Variants in NBEAL1 observed in about 807,000 individuals in gnomAD.
The protein encoded by NBEAL1 is neurobeachin-like protein 1.
In NBEAL1, 273 loss-of-function variants were observed where a neutral mutation model predicts 351.3. The ratio of observed to expected loss-of-function variants is 0.78; its 90% CI spans 0.70 to 0.86. NBEAL1 has a LOEUF of 0.86. Among genes scored for constraint, NBEAL1 ranks in the 40% least tolerant of loss-of-function variants. The pLI is 0.00. For missense variants in NBEAL1, 2,961 were observed against 3,201.3 expected, an observed-to-expected ratio of 0.92 and a Z score of 1.81; for synonymous variants, 1,050 against 1,086.4, an observed-to-expected ratio of 0.97 and a Z score of 0.66.
At chr2:203,199,809 C>A (rs1160670570) in intron 49 of NBEAL1, among the ~76,000 whole-genome samples, 1 of 151,848 alleles carries the variant, frequency 6.6e-6, no homozygotes, top group Non-Finnish European at 1.5e-5. Flanking sequence ...TCTCTTCTTC[C>A]CTCCTTCCTC....
At chr2:203,015,297 T>C (rs1234476845) in intron 1 of NBEAL1, among the ~76,000 whole-genome samples, 2 of 152,118 alleles carry the variant, frequency 1.3e-5, no homozygotes, top group Non-Finnish European at 2.9e-5. Context: ...CTTTGGGAAG[T>C]TCCTCGCCGG....
In NBEAL1 at chr2:203,126,104, C is replaced by T. The variant is rs1350288199; in HGVS notation, c.2985+11C>T. 1.3e-6 allele frequency: 2 copies of T among 1,534,550 alleles called. No homozygotes were observed. The highest frequency in any genetic ancestry group is 2.1e-5 in the Admixed American group (1 of 47,672). On this transcript the variant is annotated intron_variant, in intron 21 of 55. Transcript: ENST00000683969. ...GCTTTACTTCAGAAGGTGAGCCAGTCTAACATTGTGTTGATGTAGCTAATA... is the reference window on the plus strand; with the variant it reads ...GCTTTACTTCAGAAGGTGAGCCAGTTTAACATTGTGTTGATGTAGCTAATA...
chr2:203,205,795 G>T lies in NBEAL1; in HGVS notation c.7507-2842G>T, dbSNP rs551049019. On this transcript the variant is annotated intron_variant, in intron 51 of 55. Coordinates refer to ENST00000683969, the MANE Select transcript of NBEAL1 (RefSeq NM_001378026.1). ...GAAGGGCTCCTCTTTCTCTTGACTT[G>T]GAATTGCTTCCATAATATAGGAATT... Among the ~76,000 whole-genome samples the T allele has an allele frequency of 3.9e-5, 6 of 152,250 alleles. No individual in the cohort carries two copies. In the East Asian group the frequency reaches 1.2e-3, roughly 29 times the overall value.
At chr2:203,179,561 CAT>C (rs2064636001) in intron 42 of NBEAL1, among the ~76,000 whole-genome samples, 1 of 152,020 alleles carries the variant, frequency 6.6e-6, no homozygotes, top group African/African-American at 2.4e-5. Flanking sequence ...GCAAGTAAAA[CAT>C]AAAAGCTTTA....
chr2:203,168,677 C>T (rs543062932), intron 38 of NBEAL1, among the ~76,000 whole-genome samples: 6 of 152,068 alleles, frequency 3.9e-5, no homozygotes, highest in South Asian at 2.1e-4. Context: ...GGCTGGATCA[C>T]GAGGTCAAGA....
chr2:203,212,060 T>C (rs2065803347), intron 54 of NBEAL1, among the ~76,000 whole-genome samples: 1 of 151,910 alleles, frequency 6.6e-6, no homozygotes, highest in Non-Finnish European at 1.5e-5. Context: ...CTAATTTTTG[T>C]ATTTTTAGTA....
At chr2:203,160,024 A>G (rs966476292) in intron 36 of NBEAL1, among the ~76,000 whole-genome samples, 1 of 149,832 alleles carries the variant, frequency 6.7e-6, no homozygotes, top group Non-Finnish European at 1.5e-5. Flanking sequence ...CTTGTTTGCC[A>G]TTAATATATA....
Position 203,219,183 on chromosome 2 carries a change from G to T in NBEAL1, c.*1829G>T, listed in dbSNP as rs1442020792. The T allele has an allele frequency of 6.6e-6, 1 of 151,930 alleles. No homozygotes were observed. The highest frequency in any genetic ancestry group is 1.5e-5 in the Non-Finnish European group (1 of 67,996). The allele number at this position is 151,930 out of a possible 1,614,324, so 9.4% of individuals were successfully genotyped here. On this transcript the variant is annotated 3_prime_UTR_variant, in exon 56 of 56. Coordinates refer to ENST00000683969, the MANE Select transcript of NBEAL1 (RefSeq NM_001378026.1). ...TTTTTTAGGAGATTTCAAGTCGGCA[G>T]AACTAACATGATTGATTTTTAGTTT... is the stretch of plus-strand genomic sequence containing the variant.
rs2062727388 is a variant in NBEAL1 at position 203,117,489 on chromosome 2, A to G, written c.2592+1419A>G. On this transcript the variant is annotated intron_variant, in intron 18 of 55. Transcript: ENST00000683969. ...AAGAAAGAAAAATGTATAATCTCAC[A>G]AAACCAAAACATTTTCTGAGTCCAT... 2.0e-5 allele frequency among the ~76,000 whole-genome samples: 3 copies of G among 152,280 alleles called. No individual in the cohort carries two copies. The South Asian group carries it at 6.2e-4, about 32-fold the overall frequency.
chr2:203,209,174 T>C lies in NBEAL1; in HGVS notation c.7637T>C (p.Ile2546Thr), dbSNP rs374634452. The change falls in exon 53 of 56, where the codon ATT becomes ACT. Residue 2546 changes from isoleucine to threonine, a missense_variant. Transcript: ENST00000683969. ...AVSGSRDGTV[I>T]IHTIQKGQYM... ...TCCTGTGTGTAGGATGGAACGGTGA[T>C]TATACATACCATTCAGAAAGGTCAG... The C allele has an allele frequency of 4.3e-6, 7 of 1,612,630 alleles. No homozygotes were observed. Among genetic ancestry groups the C allele is most frequent in the Non-Finnish European group, 5.9e-6 (7 of 1,178,714 alleles).
intron 44 of NBEAL1, among the ~76,000 whole-genome samples, chr2:203,185,940 T>G (rs1160850547): frequency 1.3e-5 from 2 of 152,224 alleles, no homozygotes; most frequent in Non-Finnish European, 2.9e-5. Flanking sequence ...CTATCTTAAA[T>G]CAACATGTAT....
intron 51 of NBEAL1, among the ~76,000 whole-genome samples, chr2:203,205,982 A>G (rs1575128140): frequency 6.6e-6 from 1 of 152,370 alleles, no homozygotes; most frequent in Non-Finnish European, 1.5e-5. Context: ...AATCACAAAT[A>G]CAAATAGCAA....
rs1252264583 is a variant in NBEAL1 at position 203,221,538 on chromosome 2, G to A, written c.*4184G>A. Among the ~76,000 whole-genome samples the A allele has an allele frequency of 1.3e-5, 2 of 152,042 alleles. No homozygotes were observed. The highest frequency in any genetic ancestry group is 2.9e-5 in the Non-Finnish European group (2 of 68,000). On this transcript the variant is annotated 3_prime_UTR_variant, in exon 56 of 56. Transcript: ENST00000683969. ...GGGATATAAGAAATGAAACATGTTT[G>A]TTTGTTTCCTTTTTGTTTGTTTGTT... is the stretch of plus-strand genomic sequence containing the variant.
intron 20 of NBEAL1, 45 bp from the exon 21 acceptor site, chr2:203,125,915 G>A: frequency 6.9e-7 from 1 of 1,445,856 alleles, no homozygotes; most frequent in Admixed American, 2.9e-5. Flanking sequence ...TGATATAAAA[G>A]TGATTAGAGA....
intron 35 of NBEAL1, among the ~76,000 whole-genome samples, chr2:203,152,631 A>C (rs2063687873): frequency 6.6e-6 from 1 of 151,784 alleles, no homozygotes; most frequent in South Asian, 2.1e-4. Context: ...TTCAAAACAG[A>C]TCTTAACGGG....
At chr2:203,065,334 A>G (rs2061564570) in intron 6 of NBEAL1, among the ~76,000 whole-genome samples, 1 of 152,198 alleles carries the variant, frequency 6.6e-6, no homozygotes. Flanking sequence ...TCTTTGATCT[A>G]TTCTTATTGT....
intron 6 of NBEAL1, among the ~76,000 whole-genome samples, chr2:203,067,588 T>C (rs2061615047): frequency 6.6e-6 from 1 of 152,224 alleles, no homozygotes; most frequent in Non-Finnish European, 1.5e-5. Context: ...GCTTTATCAG[T>C]ACATCATATT....
chr2:203,125,319 T>G, intron 19 of NBEAL1, 33 bp from the exon 20 acceptor site: 1 of 1,384,168 alleles, frequency 7.2e-7, no homozygotes, highest in Non-Finnish European at 9.5e-7. Context: ...GTCCTCCTTT[T>G]ATAAGATTTA....
chr2:203,083,437 G>A lies in NBEAL1; in HGVS notation c.903G>A (p.Leu301=). The change falls in exon 9 of 56, where the codon TTG becomes TTA. Residue 301 remains leucine (L), a synonymous_variant. Transcript: ENST00000683969. ...TSTILENYFK[L]LNSDHSALPN... Reference sequence around the variant, plus strand: ...CTATTCTGGAGAACTATTTTAAATTGCTAAATTCAGATCATTCAGCTTTAC... The same window carrying A: ...CTATTCTGGAGAACTATTTTAAATTACTAAATTCAGATCATTCAGCTTTAC... The A allele has an allele frequency of 6.4e-7, 1 of 1,553,542 alleles. No homozygotes were observed. Among genetic ancestry groups the A allele is most frequent in the South Asian group, 1.2e-5 (1 of 84,220 alleles).
Sources: allele counts gnomAD v4.1 joint callset (sites outside exome capture counted in the v4.1 genomes callset), GRCh38; gene constraint gnomAD v4.1.1; transcripts MANE v1.5; gene names NCBI Gene and HGNC (gene_info 2026-07-23, HGNC 2026-07-21).